Variants in AFG2A observed in about 807,000 individuals in gnomAD.
AFG2A encodes AAA ATPase AFG2A.
the AFG2A span, among the ~76,000 whole-genome samples, chr4:123,191,290 C>G: frequency 6.6e-6 from 1 of 151,550 alleles, no homozygotes; most frequent in Non-Finnish European, 1.5e-5. Flanking sequence ...TCTCATATTC[C>G]TATGAGAAGG....
the AFG2A span, among the ~76,000 whole-genome samples, chr4:123,083,078 A>G: frequency 6.6e-6 from 1 of 152,178 alleles, no homozygotes; most frequent in Admixed American, 6.5e-5. Flanking sequence ...CACTTTTTAC[A>G]TAGATGATCA....
chr4:122,989,523 G>T, the AFG2A span, among the ~76,000 whole-genome samples: 1 of 152,130 alleles, frequency 6.6e-6, no homozygotes, highest in Non-Finnish European at 1.5e-5. Context: ...TGGCACTGAG[G>T]TGGGCCTTGA....
At chr4:123,060,194 A>G in the AFG2A span, among the ~76,000 whole-genome samples, 2 of 152,210 alleles carry the variant, frequency 1.3e-5, no homozygotes, top group African/African-American at 4.8e-5. Flanking sequence ...TATCTGCAGC[A>G]ACATGGTGCC....
At chr4:123,109,099 G>A in the AFG2A span, among the ~76,000 whole-genome samples, 1 of 152,158 alleles carries the variant, frequency 6.6e-6, no homozygotes, top group Non-Finnish European at 1.5e-5. Context: ...AAAAGAGAAA[G>A]AGGGAAGATG....
the AFG2A span, among the ~76,000 whole-genome samples, chr4:123,011,974 GT>G: frequency 2.0e-5 from 3 of 148,316 alleles, no homozygotes; most frequent in African/African-American, 2.5e-5. Context: ...AGGGGTGGGG[GT>G]TGCTTGCCCC....
chr4:123,002,372 A>G, the AFG2A span, among the ~76,000 whole-genome samples: 1 of 152,096 alleles, frequency 6.6e-6, no homozygotes, highest in Non-Finnish European at 1.5e-5. Context: ...TATTTTGCTC[A>G]TTAGTTGATG....
At chr4:123,194,380 A>G in the AFG2A span, among the ~76,000 whole-genome samples, 4 of 152,236 alleles carry the variant, frequency 2.6e-5, no homozygotes, top group Non-Finnish European at 4.4e-5. Context: ...TTTTGGGCCC[A>G]GGTTCAAAGC....
chr4:123,272,936 G>T, the AFG2A span, among the ~76,000 whole-genome samples: 995 of 152,210 alleles, frequency 6.5e-3, 13 homozygotes, highest in African/African-American at 0.023. Context: ...AGAGAGAATA[G>T]AGTGAAAATA....
chr4:123,182,205 C>A, the AFG2A span, among the ~76,000 whole-genome samples: 4 of 152,130 alleles, frequency 2.6e-5, no homozygotes, highest in Non-Finnish European at 5.9e-5. Flanking sequence ...TTCTTTTAAA[C>A]TACATGTTTT....
At chr4:123,133,619 T>C in the AFG2A span, among the ~76,000 whole-genome samples, 4,384 of 152,296 alleles carry the variant, frequency 0.029, 85 homozygotes, top group Non-Finnish European at 0.036. Context: ...AGTAGTGGGA[T>C]TGCTGAATCA....
chr4:123,085,583 A>G, the AFG2A span, among the ~76,000 whole-genome samples: 1 of 151,838 alleles, frequency 6.6e-6, no homozygotes, highest in African/African-American at 2.4e-5. Flanking sequence ...TTTAAGCTAT[A>G]TTTGTTTTTG....
chr4:123,053,630 T>C, the AFG2A span, among the ~76,000 whole-genome samples: 2 of 152,190 alleles, frequency 1.3e-5, no homozygotes, highest in Non-Finnish European at 2.9e-5. Context: ...GTTGGTGTTC[T>C]TGTCACATTG....
the AFG2A span, chr4:123,056,463 G>T: frequency 1.2e-6 from 2 of 1,606,326 alleles, no homozygotes; most frequent in Non-Finnish European, 1.7e-6. Context: ...GCCTTTAGTG[G>T]CACTCAGCAC....
At chr4:123,033,189 A>T in the AFG2A span, among the ~76,000 whole-genome samples, 1,760 of 152,332 alleles carry the variant, frequency 0.012, 14 homozygotes, top group Middle Eastern at 0.078. Flanking sequence ...AGAATGCTTT[A>T]AGATTACAAA....
the AFG2A span, among the ~76,000 whole-genome samples, chr4:122,956,699 C>T: frequency 6.6e-6 from 1 of 152,084 alleles, no homozygotes; most frequent in African/African-American, 2.4e-5. Flanking sequence ...GGCGTGATCT[C>T]GGCTCACTGC....
At chr4:122,994,801 G>A in the AFG2A span, among the ~76,000 whole-genome samples, 3 of 152,088 alleles carry the variant, frequency 2.0e-5, no homozygotes, top group Non-Finnish European at 4.4e-5. Flanking sequence ...CTTAGAGGTC[G>A]TTGGCTATCA....
the AFG2A span, among the ~76,000 whole-genome samples, chr4:123,094,336 A>T: frequency 6.6e-6 from 1 of 152,258 alleles, no homozygotes; most frequent in East Asian, 1.9e-4. Flanking sequence ...CCTATTTCCC[A>T]TCATGGCTTG....
chr4:123,069,758 T>A, the AFG2A span, among the ~76,000 whole-genome samples: 6 of 152,312 alleles, frequency 3.9e-5, no homozygotes, highest in Non-Finnish European at 8.8e-5. Context: ...AAATAACTAC[T>A]TGAGGAATTT....
the AFG2A span, among the ~76,000 whole-genome samples, chr4:123,155,618 G>A: frequency 7.3e-5 from 2 of 27,328 alleles, no homozygotes; most frequent in Admixed American, 2.7e-4. Context: ...AATTTAAATT[G>A]TTAAAAAAAT....
Sources: gnomAD v4.1 joint callset for allele counts (sites outside exome capture counted in the v4.1 genomes callset) on GRCh38, gnomAD v4.1.1 for gene constraint, MANE v1.5 for transcripts, NCBI Gene and HGNC (gene_info 2026-07-23, HGNC 2026-07-21) for gene names.